The following DPYD variants were observed in gnomAD, a reference collection of about 807,000 sequenced individuals.
The protein encoded by DPYD is dihydropyrimidine dehydrogenase [NADP(+)].
A neutral mutation model predicts 116.2 loss-of-function variants in DPYD; 109 were observed. The observed-to-expected ratio is 0.94, with a 90% confidence interval of 0.80 to 1.10. The LOEUF is 1.10. DPYD is among the 50% of genes least tolerant of loss of function. DPYD has a pLI of 0.00. For missense variants in DPYD, 1,302 were observed against 1,254.5 expected, an observed-to-expected ratio of 1.04 and a Z score of -0.57; for synonymous variants, 440 against 432.0, an observed-to-expected ratio of 1.02 and a Z score of -0.23.
intron 11 of DPYD, among the ~76,000 whole-genome samples, chr1:97,555,292 T>C (rs1253453714): frequency 1.3e-5 from 2 of 152,162 alleles, no homozygotes; most frequent in Non-Finnish European, 2.9e-5. Context: ...TCCACTGCAC[T>C]TTCTCTGTCA....
chr1:97,455,346 ATTTGT>A (rs1676623162), intron 13 of DPYD, among the ~76,000 whole-genome samples: 4 of 151,920 alleles, frequency 2.6e-5, no homozygotes, highest in African/African-American at 7.2e-5. Context: ...TCGAAGAAAC[ATTTGT>A]TTTGTTTTCT....
chr1:97,249,007 A>T lies in DPYD; in HGVS notation c.2300-14013T>A, dbSNP rs147135442. On this transcript the variant is annotated intron_variant, in intron 18 of 22. Transcript: ENST00000370192. ...ATAGACTTGTTGACTCAATACTGTT[A>T]AGATGTTAAACTTCACCAAATTGAT... Among the ~76,000 whole-genome samples the T allele has an allele frequency of 1.4e-3, 210 of 151,932 alleles. 1 individual carries two copies. The East Asian group carries it at 0.035, about 25-fold the overall frequency.
chr1:97,621,550 T>C (rs1656634190), intron 8 of DPYD, among the ~76,000 whole-genome samples: 1 of 152,144 alleles, frequency 6.6e-6, no homozygotes, highest in Admixed American at 6.6e-5. Context: ...TCTAATTTTG[T>C]ACTGATGTCC....
chr1:97,572,641 TTAAA>T (rs1467365230), intron 11 of DPYD, among the ~76,000 whole-genome samples: 3 of 151,966 alleles, frequency 2.0e-5, no homozygotes, highest in Admixed American at 6.6e-5. Flanking sequence ...CTGAATTCAG[TTAAA>T]TAAATAAACT....
chr1:97,796,190 T>A (rs1243177645), intron 3 of DPYD, among the ~76,000 whole-genome samples: 2 of 152,100 alleles, frequency 1.3e-5, no homozygotes, highest in African/African-American at 4.8e-5. Context: ...CACACATATC[T>A]CTTTTAATCC....
At chr1:97,844,119 A>C (rs1670172306) in intron 2 of DPYD, among the ~76,000 whole-genome samples, 1 of 152,230 alleles carries the variant, frequency 6.6e-6, no homozygotes, top group South Asian at 2.1e-4. Flanking sequence ...CAGTATGCCT[A>C]AAATATGATA....
chr1:97,186,433 G>A (rs1266226177), intron 20 of DPYD, among the ~76,000 whole-genome samples: 4 of 151,958 alleles, frequency 2.6e-5, no homozygotes, highest in Admixed American at 6.6e-5. Flanking sequence ...CCCTCCCACC[G>A]TTTTGAGACT....
At chr1:97,235,138 AT>A (rs1319238485) in intron 18 of DPYD, 144 bp from the exon 19 acceptor site, 3 of 893,362 alleles carry the variant, frequency 3.4e-6, no homozygotes, top group African/African-American at 3.3e-5. Flanking sequence ...GTATATACAT[AT>A]GTAGTGTATA....
At chr1:97,304,168 T>C (rs1667027755) in intron 18 of DPYD, among the ~76,000 whole-genome samples, 2 of 151,968 alleles carry the variant, frequency 1.3e-5, no homozygotes, top group Non-Finnish European at 2.9e-5. Context: ...CTGGAAAAAT[T>C]GAAATGGGCT....
chr1:97,485,795 C>G (rs973931429), intron 13 of DPYD, among the ~76,000 whole-genome samples: 1 of 152,164 alleles, frequency 6.6e-6, no homozygotes, highest in South Asian at 2.1e-4. Context: ...CAGATATCTG[C>G]AGTTGGCTAA....
intron 14 of DPYD, among the ~76,000 whole-genome samples, chr1:97,441,184 G>A (rs2101761130): frequency 6.6e-6 from 1 of 151,984 alleles, no homozygotes; most frequent in Admixed American, 6.6e-5. Context: ...TGTTTCTTAT[G>A]CTTGGAGTTG....
At chr1:97,896,277 A>G (rs1440110941) in intron 1 of DPYD, among the ~76,000 whole-genome samples, 1 of 151,858 alleles carries the variant, frequency 6.6e-6, no homozygotes, top group African/African-American at 2.4e-5. Context: ...GGAAAATATT[A>G]TCAGATAAGC....
At chr1:97,381,187 A>G (rs766692931) in intron 15 of DPYD, among the ~76,000 whole-genome samples, 1 of 151,712 alleles carries the variant, frequency 6.6e-6, no homozygotes, top group African/African-American at 2.4e-5. Flanking sequence ...CAGAGTAATT[A>G]GAAGGTGATA....
chr1:97,162,034 G>A (rs1377489446), intron 20 of DPYD, among the ~76,000 whole-genome samples: 15 of 151,872 alleles, frequency 9.9e-5, no homozygotes, highest in Non-Finnish European at 2.9e-5. Flanking sequence ...ATAAACATAC[G>A]TGTGCATGTG....
intron 18 of DPYD, among the ~76,000 whole-genome samples, chr1:97,291,140 C>G (rs1321746671): frequency 6.6e-6 from 1 of 152,140 alleles, no homozygotes; most frequent in African/African-American, 2.4e-5. Context: ...CAATGATATA[C>G]CATCTCACAC....
intron 12 of DPYD, among the ~76,000 whole-genome samples, chr1:97,533,963 A>C (rs1649821081): frequency 6.6e-6 from 1 of 152,176 alleles, no homozygotes; most frequent in African/African-American, 2.4e-5. Context: ...CCCCACCATC[A>C]AACACCAGAT....
At chr1:97,222,131 T>C (rs975157539) in intron 19 of DPYD, among the ~76,000 whole-genome samples, 2 of 152,060 alleles carry the variant, frequency 1.3e-5, no homozygotes, top group African/African-American at 4.8e-5. Context: ...AGAATAAAAA[T>C]AGTAGTTTAA....
intron 11 of DPYD, among the ~76,000 whole-genome samples, chr1:97,566,002 T>A (rs1411325031): frequency 2.6e-5 from 4 of 152,206 alleles, no homozygotes; most frequent in Non-Finnish European, 4.4e-5. Context: ...AATGACTATT[T>A]AATCTAACAG....
chr1:97,195,687 T>C (rs1167170300), intron 19 of DPYD, among the ~76,000 whole-genome samples: 2 of 97,870 alleles, frequency 2.0e-5, no homozygotes, highest in Non-Finnish European at 4.1e-5. Context: ...TATATATATA[T>C]ATGCCTAGGA....
Sources: allele counts gnomAD v4.1 joint callset (sites outside exome capture counted in the v4.1 genomes callset), GRCh38; gene constraint gnomAD v4.1.1; transcripts MANE v1.5; gene names NCBI Gene and HGNC (gene_info 2026-07-23, HGNC 2026-07-21).